PAX2: variants seen among roughly 807,000 people sequenced by gnomAD.
The protein encoded by PAX2 is paired box protein Pax-2.
PAX2 carries 9 observed loss-of-function variants against 41.7 expected under a neutral mutation model. The ratio of observed to expected loss-of-function variants is 0.22; its 90% CI spans 0.13 to 0.38. The LOEUF (loss-of-function observed/expected upper bound fraction) is 0.38. Ranked by LOEUF, PAX2 falls within the 10% of genes least tolerant of loss-of-function variation. The probability of loss-of-function intolerance (pLI) is 1.00; values close to 1 mark genes in which losing one functional copy is unlikely to be tolerated. For missense variants in PAX2, 418 were observed against 531.6 expected (o/e 0.79, Z 2.10); for synonymous variants, 221 against 212.7 (o/e 1.04, Z -0.34).
chr10:100,798,929 G>A (rs909427711), intron 5 of PAX2, among the ~76,000 whole-genome samples: 23 of 152,258 alleles, frequency 1.5e-4, no homozygotes, highest in African/African-American at 5.3e-4. Context: ...AATGACAAGC[G>A]GGGATATTGA....
intron 4 of PAX2, among the ~76,000 whole-genome samples, chr10:100,780,414 C>T (rs1460108936): frequency 6.6e-6 from 1 of 152,124 alleles, no homozygotes; most frequent in African/African-American, 2.4e-5. Flanking sequence ...TACATTTTTC[C>T]TGCTGCTCCT....
chr10:100,807,896 C>T (rs1419765837), intron 6 of PAX2, among the ~76,000 whole-genome samples: 1 of 152,260 alleles, frequency 6.6e-6, no homozygotes, highest in Non-Finnish European at 1.5e-5. Context: ...TTTCTCCCCG[C>T]CCGTCCTTTT....
At chr10:100,753,613 A>G (rs536007106) in intron 3 of PAX2, among the ~76,000 whole-genome samples, 14 of 152,290 alleles carry the variant, frequency 9.2e-5, no homozygotes, top group African/African-American at 3.4e-4. Context: ...TGGGTACTTT[A>G]TAACAGTTAT....
intron 5 of PAX2, among the ~76,000 whole-genome samples, chr10:100,799,904 G>A (rs1847488884): frequency 6.7e-6 from 1 of 148,712 alleles, no homozygotes; most frequent in East Asian, 2.0e-4. Context: ...CCTGCCTCAG[G>A]CCTCCCAAGT....
chr10:100,742,998 C>A (rs1224471895), upstream of PAX2, among the ~76,000 whole-genome samples: 1 of 151,396 alleles, frequency 6.6e-6, no homozygotes, highest in Admixed American at 6.6e-5. Flanking sequence ...ATCCTGGAGC[C>A]CCAGGAGAAG....
In PAX2 at chr10:100,824,638, GT is replaced by G; in HGVS notation, c.920-5del. ...CCAGGCCTCACCCCTTCCCCTTTGTGTTTTTCCAGGTCGTGACATGGCGAGC... is the reference window on the plus strand; with the variant it reads ...CCAGGCCTCACCCCTTCCCCTTTGTGTTTTCCAGGTCGTGACATGGCGAGC... On this transcript the variant is annotated splice_polypyrimidine_tract_variant and intron_variant, in intron 7 of 9. Transcript: ENST00000355243. This position sits in a 1 kb window ranked among gnomAD's most constrained non-coding sequence, Gnocchi z 6.6. 6.3e-7 allele frequency: 1 copy of G among 1,590,662 alleles called. No individual in the cohort carries two copies. Among genetic ancestry groups the G allele is most frequent in the Non-Finnish European group, 8.6e-7 (1 of 1,158,638 alleles).
intron 5 of PAX2, among the ~76,000 whole-genome samples, chr10:100,781,655 G>A (rs1254503585): frequency 6.6e-6 from 1 of 152,196 alleles, no homozygotes; most frequent in Admixed American, 6.5e-5. Context: ...GTTTACCTTG[G>A]GAAGGTTTTG....
At chr10:100,767,616 G>GT (rs1846071904) in intron 3 of PAX2, among the ~76,000 whole-genome samples, 1 of 152,136 alleles carries the variant, frequency 6.6e-6, no homozygotes, top group Non-Finnish European at 1.5e-5. Context: ...TGTTCACGGA[G>GT]TATCGATTCA....
rs567505542 is a variant in PAX2 at position 100,827,921 on chromosome 10, G to C, written c.*302G>C. On this transcript the variant is annotated 3_prime_UTR_variant, in exon 10 of 10. Transcript: ENST00000355243. The surrounding 1 kb of genome is among the most constrained non-coding windows in gnomAD (Gnocchi z 8.5). ...CCGTGAGGGGGATTCGGCCCAGCTC[G>C]TCCCGGCCTCCACCAAGCCAGCCCC... The C allele has an allele frequency of 1.2e-5, 5 of 403,124 alleles. No homozygotes were observed. The highest frequency in any genetic ancestry group is 2.2e-5 in the Non-Finnish European group (5 of 226,058). The allele number at this position is 403,124 out of a possible 1,614,324, so 25.0% of individuals were successfully genotyped here.
At chr10:100,762,336 C>T (rs1216935194) in intron 3 of PAX2, among the ~76,000 whole-genome samples, 3 of 152,122 alleles carry the variant, frequency 2.0e-5, no homozygotes, top group Non-Finnish European at 2.9e-5. Flanking sequence ...GTGGCATTGA[C>T]ATGGGGCAGT....
Position 100,750,045 on chromosome 10 carries a change from A to C in PAX2, c.212+131A>C. 3.8e-6 allele frequency: 4 copies of C among 1,060,528 alleles called. No individual in the cohort carries two copies. The highest frequency in any genetic ancestry group is 5.4e-6 in the Non-Finnish European group (4 of 734,122). 65.7% of individuals were successfully genotyped at this position (1,060,528 alleles called of 1,614,324 possible). ...GAGGGAGATCCCCAAAGGGGTCTGG[A>C]GAGGTGCTCCTTTTGGAGAGAGTGT... On this transcript the variant is annotated intron_variant, in intron 2 of 9. Transcript: ENST00000355243. This position sits in a 1 kb window ranked among gnomAD's most constrained non-coding sequence, Gnocchi z 4.1.
chr10:100,802,056 G>T (rs1189788277), intron 5 of PAX2, among the ~76,000 whole-genome samples: 2 of 152,216 alleles, frequency 1.3e-5, no homozygotes, highest in Non-Finnish European at 2.9e-5. Context: ...TGGGAGCTGG[G>T]CAGGGGGCAG....
chr10:100,737,467 C>T (rs1371724017), intron 1 of PAX2, among the ~76,000 whole-genome samples: 1 of 152,256 alleles, frequency 6.6e-6, no homozygotes, highest in African/African-American at 2.4e-5. Context: ...CACCGCACTT[C>T]CTTTCCCTTC....
chr10:100,746,166 C>T lies in PAX2; in HGVS notation c.-95C>T, dbSNP rs1454288997. On this transcript the variant is annotated 5_prime_UTR_variant, in exon 1 of 10. Transcript: ENST00000355243. The stretch of plus-strand genomic sequence containing the variant: ...CGGGCGTTCACTCATCCTCCCTCCC[C>T]CACCGTCCCTCCCTTTTCTCCTCAA... 76 of 1,606,150 alleles carry T rather than the reference C, an allele frequency of 4.7e-5. No homozygotes were observed. Among genetic ancestry groups the T allele is most frequent in the Non-Finnish European group, 5.8e-5 (68 of 1,176,174 alleles).
At position 100,827,153 on chromosome 10, in the gene PAX2, G is replaced by A; in HGVS notation, c.1108+58G>A. ...GCGCGGCCGCGCGGCTTCTGGGCAC[G>A]GTCCCACTCCCGGCGACCCGACCTC... On this transcript the variant is annotated intron_variant, in intron 9 of 9. Coordinates refer to ENST00000355243, the MANE Select transcript of PAX2 (RefSeq NM_000278.5). This position sits in a 1 kb window ranked among gnomAD's most constrained non-coding sequence, Gnocchi z 8.5. The A allele has an allele frequency of 6.4e-6, 9 of 1,402,198 alleles. No homozygotes were observed. The highest frequency in any genetic ancestry group is 9.1e-6 in the Non-Finnish European group (9 of 990,692). 86.9% of individuals were successfully genotyped at this position (1,402,198 alleles called of 1,614,324 possible).
chr10:100,821,782 C>T (rs1564745055), intron 7 of PAX2, among the ~76,000 whole-genome samples: 1 of 152,190 alleles, frequency 6.6e-6, no homozygotes, highest in East Asian at 1.9e-4. Flanking sequence ...AACCAGAATT[C>T]AGATGCATTT....
At position 100,763,964 on chromosome 10, in the gene PAX2, G is replaced by A. The variant is rs532174732; in HGVS notation, c.410+13073G>A. ...GTAGGTCTCTCATAAGTTTTCATGA[G>A]GGTTAAATGAGTGAGTCCACATAAA... is the stretch of plus-strand genomic sequence containing the variant. On this transcript the variant is annotated intron_variant, in intron 3 of 9. Coordinates refer to ENST00000355243, the MANE Select transcript of PAX2 (RefSeq NM_000278.5). Among the ~76,000 whole-genome samples, 106 of 149,628 alleles carry A rather than the reference G, an allele frequency of 7.1e-4. 2 individuals carry two copies. Among genetic ancestry groups the A allele is most frequent in the Non-Finnish European group, 1.4e-3 (92 of 67,128 alleles).
chr10:100,747,978 G>A, intron 1 of PAX2: 3 of 983,972 alleles, frequency 3.0e-6, no homozygotes, highest in Non-Finnish European at 3.6e-6. Flanking sequence ...GCAGAGGTCG[G>A]AGGGAGAGAG....
chr10:100,794,301 A>G (rs533545637), intron 5 of PAX2, among the ~76,000 whole-genome samples: 1 of 152,388 alleles, frequency 6.6e-6, no homozygotes, highest in East Asian at 1.9e-4. Flanking sequence ...ATGTGGGTCC[A>G]TCTCCACTCC....
Sources: allele counts gnomAD v4.1 joint callset (sites outside exome capture counted in the v4.1 genomes callset), GRCh38; gene constraint gnomAD v4.1.1; non-coding constraint Gnocchi (gnomAD v3.1); transcripts MANE v1.5; gene names NCBI Gene and HGNC (gene_info 2026-07-23, HGNC 2026-07-21).